The following LAMB3 variants were observed in gnomAD, a reference collection of about 807,000 sequenced individuals.
LAMB3 encodes laminin subunit beta 3, also known as laminin subunit beta-3.
In LAMB3, 104 loss-of-function variants were observed where a neutral mutation model predicts 140.3. That is an observed-to-expected ratio of 0.74 (90% CI 0.63 to 0.87). The LOEUF (loss-of-function observed/expected upper bound fraction) is 0.87, where lower values mean the gene tolerates loss of function less well. LAMB3 is among the 40% of genes least tolerant of loss of function. The pLI is 0.00. For synonymous variants in LAMB3, 592 were observed against 602.9 expected, an observed-to-expected ratio of 0.98 and a Z score of 0.26; for missense variants, 1,531 against 1,575.2, an observed-to-expected ratio of 0.97 and a Z score of 0.47.
intron 10 of LAMB3, among the ~76,000 whole-genome samples, chr1:209,629,357 T>C (rs1666590754): frequency 6.6e-6 from 1 of 152,200 alleles, no homozygotes; most frequent in East Asian, 1.9e-4. Flanking sequence ...ACAAACCTCA[T>C]TACAACATGG....
In LAMB3 at chr1:209,618,590, T is replaced by G; in HGVS notation, c.2771A>C (p.Asp924Ala). 3 of 1,614,190 alleles carry G rather than the reference T, an allele frequency of 1.9e-6. No homozygotes were observed. Among genetic ancestry groups the G allele is most frequent in the Non-Finnish European group, 2.5e-6 (3 of 1,180,030 alleles). Reference sequence around the variant, plus strand: ...CATCTTCTGCAGAACAGTAGCTGAGTCTGTGGGCAGCCACAGGGCCAGCAC... The same window carrying G: ...CATCTTCTGCAGAACAGTAGCTGAGGCTGTGGGCAGCCACAGGGCCAGCAC... ...EAVLALWLPT[D>A]SATVLQKMNE... The change falls in exon 19 of 23, where the codon GAC (aspartate) becomes GCC (alanine). Residue 924 changes from aspartate to alanine, a missense_variant. Coordinates refer to ENST00000356082, the MANE Select transcript of LAMB3 (RefSeq NM_000228.3).
intron 20 of LAMB3, 89 bp from the exon 21 acceptor site, chr1:209,617,675 C>T: frequency 1.4e-6 from 2 of 1,476,178 alleles, no homozygotes; most frequent in Non-Finnish European, 1.9e-6. Context: ...CATCAGGCAG[C>T]AAAAACCCTC....
rs144788254 is a variant in LAMB3 at position 209,630,699 on chromosome 1, C to T, written c.859G>A (p.Gly287Ser). 4.4e-5 allele frequency: 71 copies of T among 1,613,936 alleles called. No individual in the cohort carries two copies. Among genetic ancestry groups the T allele is most frequent in the South Asian group, 3.4e-4 (31 of 91,058 alleles). The part of the protein sequence containing the change: ...DVCVCQHNTA[G>S]PNCERCAPFY... ...GGTGCACAGCGCTCACAATTTGGGC[C>T]GGCAGTGTTGTGCTGGCAGACACAG... The change falls in exon 9 of 23, where the codon GGC (glycine) becomes AGC (serine). Residue 287 changes from glycine (G) to serine (S), a missense_variant. Gly to Ser is a moderately conservative substitution (Grantham distance 56). Coordinates refer to ENST00000356082, the MANE Select transcript of LAMB3 (RefSeq NM_000228.3).
intron 22 of LAMB3, among the ~76,000 whole-genome samples, chr1:209,616,022 C>T (rs913616694): frequency 1.3e-5 from 2 of 152,136 alleles, no homozygotes; most frequent in African/African-American, 4.8e-5. Context: ...TCCTCTTCCT[C>T]ACAGCTTCTC....
In LAMB3 at chr1:209,618,046, C is replaced by A; in HGVS notation, c.2912G>T (p.Ser971Ile). The change falls in exon 20 of 23, where the codon AGC (serine) becomes ATC (isoleucine). Residue 971 changes from serine (S) to isoleucine (I), a missense_variant and splice_region_variant. Ser to Ile is a moderately radical substitution (Grantham distance 142, BLOSUM62 -2). Transcript: ENST00000356082. ...CTGGCCCTCCACTGCATGGGCTCGG[C>A]TCCTGGGTGAGAGAAGCAGCAGGGA... ...RLQAEAEEAR[S>I]RAHAVEGQVE... 6.2e-7 allele frequency: 1 copy of A among 1,614,150 alleles called. No individual in the cohort carries two copies. The highest frequency in any genetic ancestry group is 8.5e-7 in the Non-Finnish European group (1 of 1,180,034).
intron 13 of LAMB3, among the ~76,000 whole-genome samples, chr1:209,626,423 G>A (rs2102421844): frequency 6.6e-6 from 1 of 152,288 alleles, no homozygotes; most frequent in East Asian, 1.9e-4. Context: ...GTGAGGCAGG[G>A]GCAGAGCTGG....
At position 209,634,641 on chromosome 1, in the gene LAMB3, G is replaced by A. The variant is rs769758514; in HGVS notation, c.373-3C>T. 6.2e-7 allele frequency: 1 copy of A among 1,611,928 alleles called. No homozygotes were observed. The highest frequency in any genetic ancestry group is 1.1e-5 in the South Asian group (1 of 90,802). ...AGCATGCCGGCGGGCATGGGCCCCTGTGGAGACAGGGGCAGTGTGCAGAGG... is the reference window on the plus strand; with the variant it reads ...AGCATGCCGGCGGGCATGGGCCCCTATGGAGACAGGGGCAGTGTGCAGAGG... On this transcript the variant is annotated splice_region_variant and splice_polypyrimidine_tract_variant and intron_variant, in intron 5 of 22. Transcript: ENST00000356082.
chr1:209,622,776 A>G, intron 17 of LAMB3, 96 bp from the exon 18 acceptor site: 16 of 1,535,316 alleles, frequency 1.0e-5, no homozygotes, highest in Non-Finnish European at 1.4e-5. Flanking sequence ...GCCAAGACCT[A>G]CCTAGGAAGC....
Position 209,632,576 on chromosome 1 carries a change from C to T in LAMB3, c.822+7G>A, listed in dbSNP as rs1174701089. On this transcript the variant is annotated splice_region_variant and intron_variant, in intron 8 of 22. Transcript: ENST00000356082. ...CTTCCTCTCCCCTTCCCACCCTAGGCTGTTACCTGCACAGCGGTGGAGGGG... is the reference window on the plus strand; with the variant it reads ...CTTCCTCTCCCCTTCCCACCCTAGGTTGTTACCTGCACAGCGGTGGAGGGG... The T allele has an allele frequency of 6.2e-7, 1 of 1,612,838 alleles. No individual in the cohort carries two copies. Among genetic ancestry groups the T allele is most frequent in the Non-Finnish European group, 8.5e-7 (1 of 1,179,066 alleles).
chr1:209,617,475 C>A lies in LAMB3; in HGVS notation c.3163G>T (p.Ala1055Ser). 6.2e-7 allele frequency: 1 copy of A among 1,613,756 alleles called. No individual in the cohort carries two copies. Among genetic ancestry groups the A allele is most frequent in the East Asian group, 2.2e-5 (1 of 44,888 alleles). Residue 1055 changes from alanine to serine, a missense_variant, in exon 21 of 23, where the codon GCA becomes TCA. Coordinates refer to ENST00000356082, the MANE Select transcript of LAMB3 (RefSeq NM_000228.3). ...ELRHQARQQGAEAVQAQQLAE... is the reference protein window; with the variant it reads ...ELRHQARQQGSEAVQAQQLAE... ...AGCTGCTGGGCCTGGACTGCCTCTG[C>A]CCCCTGCTGCCGGGCTTGGTGGCGG...
intron 19 of LAMB3, 70 bp downstream of exon 19, chr1:209,618,382 G>A: frequency 1.3e-6 from 2 of 1,481,986 alleles, no homozygotes; most frequent in Non-Finnish European, 1.9e-6. Flanking sequence ...CCCTCTCCCA[G>A]CAACGGGGTT....
intron 18 of LAMB3, among the ~76,000 whole-genome samples, chr1:209,620,756 T>A (rs1571801410): frequency 2.6e-5 from 4 of 152,340 alleles, no homozygotes; most frequent in Admixed American, 2.6e-4. Flanking sequence ...GCAAAGCACT[T>A]GGAACAGTGC....
At chr1:209,636,916 G>C (rs1666914665) in intron 5 of LAMB3, among the ~76,000 whole-genome samples, 1 of 152,210 alleles carries the variant, frequency 6.6e-6, no homozygotes, top group African/African-American at 2.4e-5. Context: ...GGTGAAAGCA[G>C]CTTGAAGACT....
rs908420516 is a variant in LAMB3 at position 209,632,566 on chromosome 1, C to T, written c.822+17G>A. The T allele has an allele frequency of 6.2e-7, 1 of 1,611,112 alleles. No homozygotes were observed. Among genetic ancestry groups the T allele is most frequent in the African/African-American group, 1.3e-5 (1 of 74,858 alleles). ...GTCCTGCCCCCTTCCTCTCCCCTTC[C>T]CACCCTAGGCTGTTACCTGCACAGC... On this transcript the variant is annotated intron_variant, in intron 8 of 22. Transcript: ENST00000356082.
intron 2 of LAMB3, 113 bp from the exon 3 acceptor site, chr1:209,650,231 T>A: frequency 9.4e-7 from 1 of 1,064,164 alleles, no homozygotes; most frequent in Non-Finnish European, 1.4e-6. Flanking sequence ...TTTCCCTCAC[T>A]CAAGCTTCCA....
In LAMB3 at chr1:209,617,400, T is replaced by G. The variant is rs760550546; in HGVS notation, c.3228+10A>C. On this transcript the variant is annotated intron_variant, in intron 21 of 22. Coordinates refer to ENST00000356082, the MANE Select transcript of LAMB3 (RefSeq NM_000228.3). ...CGTACATCATTGAGCTAACTCCGCC[T>G]TCTCTGTACCTCTTGGGCACTCAAT... 7 of 1,612,098 alleles carry G rather than the reference T, an allele frequency of 4.3e-6. No homozygotes were observed. Among genetic ancestry groups the G allele is most frequent in the Non-Finnish European group, 8.5e-7 (1 of 1,179,988 alleles).
At chr1:209,637,412 G>A (rs1453389469) in intron 5 of LAMB3, among the ~76,000 whole-genome samples, 1 of 152,108 alleles carries the variant, frequency 6.6e-6, no homozygotes, top group Non-Finnish European at 1.5e-5. Context: ...TCCAAAAGAA[G>A]TATCTAGAAG....
At chr1:209,624,117 G>A in intron 14 of LAMB3, 117 bp from the exon 15 acceptor site, 2 of 854,172 alleles carry the variant, frequency 2.3e-6, no homozygotes, top group African/African-American at 3.4e-5. Flanking sequence ...TTGGGCAAAG[G>A]CAACAGAACA....
intron 9 of LAMB3, chr1:209,630,406 G>A (rs968621834): frequency 1.3e-5 from 8 of 618,066 alleles, no homozygotes; most frequent in African/African-American, 1.3e-4. Context: ...GAAGAAGCAG[G>A]CTCTAGCTGG....
Sources: gnomAD v4.1 joint callset for allele counts (sites outside exome capture counted in the v4.1 genomes callset) on GRCh38, gnomAD v4.1.1 for gene constraint, MANE v1.5 for transcripts, NCBI Gene and HGNC (gene_info 2026-07-23, HGNC 2026-07-21) for gene names.